Variants in SLC7A14 observed in about 807,000 individuals in gnomAD.
SLC7A14 encodes the protein gamma-aminobutyric acid transporter SLC7A14.
SLC7A14 carries 37 observed loss-of-function variants against 60.2 expected under a neutral mutation model. The ratio of observed to expected loss-of-function variants is 0.61; its 90% confidence interval spans 0.47 to 0.81. SLC7A14 has a LOEUF of 0.81. Among genes scored for constraint, SLC7A14 ranks in the 30% least tolerant of loss-of-function variants. The probability of loss-of-function intolerance (pLI) is 0.00; values close to 1 mark genes in which losing one functional copy is unlikely to be tolerated. For synonymous variants in SLC7A14, 399 were observed against 395.8 expected, an observed-to-expected ratio of 1.01 and a Z score of -0.10; for missense variants, 886 against 982.7, an observed-to-expected ratio of 0.90 and a Z score of 1.32.
chr3:170,539,043 A>T (rs1442092433), intron 1 of SLC7A14, among the ~76,000 whole-genome samples: 1 of 152,214 alleles, frequency 6.6e-6, no homozygotes, highest in African/African-American at 2.4e-5. Context: ...GAGAGCTAGG[A>T]TCTCTTCTTA....
chr3:170,537,867 AATGT>A (rs1713896071), intron 1 of SLC7A14, among the ~76,000 whole-genome samples: 1 of 152,188 alleles, frequency 6.6e-6, no homozygotes, highest in Non-Finnish European at 1.5e-5. Context: ...TTCTGCATAT[AATGT>A]TATCCCAGGC....
intron 2 of SLC7A14, 68 bp downstream of exon 2, chr3:170,526,565 A>G: frequency 6.5e-7 from 1 of 1,548,012 alleles, no homozygotes; most frequent in Non-Finnish European, 8.8e-7. Flanking sequence ...CTCCGGAGAA[A>G]GGGGATGAAC....
In SLC7A14 at chr3:170,480,670, C is replaced by G. The variant is rs1711781855; in HGVS notation, c.1612G>C (p.Gly538Arg). 6.2e-7 allele frequency: 1 copy of G among 1,614,136 alleles called. No individual in the cohort carries two copies. Among genetic ancestry groups the G allele is most frequent in the African/African-American group, 1.3e-5 (1 of 74,940 alleles). The part of the protein sequence containing the change: ...IYLIKLKKLI[G>R]PHYYTMRIRL... ...ATTCTCATGGTGTAATAATGAGGCCCAATCAGCTTCTTTAACTTGATGAGA... is the reference window on the plus strand; with the variant it reads ...ATTCTCATGGTGTAATAATGAGGCCGAATCAGCTTCTTTAACTTGATGAGA... The change falls in exon 7 of 8, where the codon GGG (glycine) becomes CGG (arginine). Residue 538 changes from glycine (G) to arginine (R), a missense_variant. Coordinates refer to ENST00000231706, the MANE Select transcript of SLC7A14 (RefSeq NM_020949.3).
At chr3:170,497,017 CG>C (rs1206904708) in intron 4 of SLC7A14, among the ~76,000 whole-genome samples, 1 of 134,612 alleles carries the variant, frequency 7.4e-6, no homozygotes, top group Non-Finnish European at 1.5e-5. Flanking sequence ...AGCCCACGCG[CG>C]GGGGAGTTTA....
intron 1 of SLC7A14, among the ~76,000 whole-genome samples, chr3:170,530,708 C>T (rs773679932): frequency 2.6e-5 from 4 of 152,120 alleles, no homozygotes; most frequent in African/African-American, 4.8e-5. Context: ...TGTAAAAAGG[C>T]GAGGGGTGTG....
intron 4 of SLC7A14, chr3:170,495,945 G>A: frequency 1.3e-5 from 18 of 1,397,756 alleles, no homozygotes; most frequent in South Asian, 9.3e-5. Flanking sequence ...GCAGGGGCTG[G>A]TGGAGGACTT....
At chr3:170,490,812 A>G (rs1470714064) in intron 4 of SLC7A14, among the ~76,000 whole-genome samples, 1 of 152,220 alleles carries the variant, frequency 6.6e-6, no homozygotes, top group Non-Finnish European at 1.5e-5. Flanking sequence ...TTAAATGGAG[A>G]TAATAATAGC....
chr3:170,468,145 A>C (rs765246988), intron 7 of SLC7A14, among the ~76,000 whole-genome samples: 5 of 152,190 alleles, frequency 3.3e-5, no homozygotes, highest in Admixed American at 1.3e-4. Context: ...TAAGCGTGAA[A>C]TGTCCAGTGC....
intron 1 of SLC7A14, among the ~76,000 whole-genome samples, chr3:170,578,493 G>A (rs920393550): frequency 7.2e-5 from 11 of 152,104 alleles, no homozygotes; most frequent in South Asian, 4.2e-4. Context: ...TTATAGAGGC[G>A]GTGTAGCATG....
intron 5 of SLC7A14, among the ~76,000 whole-genome samples, chr3:170,484,765 C>A (rs1215036614): frequency 6.6e-6 from 1 of 152,080 alleles, no homozygotes; most frequent in African/African-American, 2.4e-5. Context: ...GCTCCTAGGG[C>A]GTGTTTAAGG....
rs746212258 is a variant in SLC7A14 at position 170,486,249 on chromosome 3, C to T, written c.879G>A (p.Leu293=). The T allele has an allele frequency of 6.2e-7, 1 of 1,614,174 alleles. No homozygotes were observed. The highest frequency in any genetic ancestry group is 8.5e-7 in the Non-Finnish European group (1 of 1,180,034). ...ACACATATGCTGTCAGGCAGATGAC[C>T]AGGGAGGCAGTGATAGCATAAGGGA... ...TSIPYAITAS[L]VICLTAYVSV... The change falls in exon 5 of 8, where the codon CTG becomes CTA. Residue 293 remains leucine, a synonymous_variant. Transcript: ENST00000231706.
At chr3:170,531,381 A>T (rs536685201) in intron 1 of SLC7A14, among the ~76,000 whole-genome samples, 3 of 152,152 alleles carry the variant, frequency 2.0e-5, no homozygotes, top group Non-Finnish European at 4.4e-5. Flanking sequence ...TCACAAGGAC[A>T]CCGAGAAACA....
At chr3:170,571,564 G>T (rs1181823217) in intron 1 of SLC7A14, among the ~76,000 whole-genome samples, 1 of 152,130 alleles carries the variant, frequency 6.6e-6, no homozygotes, top group Non-Finnish European at 1.5e-5. Context: ...AGGCAATTGG[G>T]ACTTCATATT....
chr3:170,481,223 G>A (rs1000177980), intron 6 of SLC7A14, 57 bp from the exon 7 acceptor site: 3 of 1,538,534 alleles, frequency 1.9e-6, no homozygotes, highest in East Asian at 2.3e-5. Context: ...CGATTCCAGT[G>A]CAGCCAACAT....
intron 1 of SLC7A14, among the ~76,000 whole-genome samples, chr3:170,549,673 G>A (rs528561583): frequency 6.6e-6 from 1 of 152,278 alleles, no homozygotes; most frequent in African/African-American, 2.4e-5. Flanking sequence ...GATGCCCTGG[G>A]GAGAGGCACT....
intron 1 of SLC7A14, among the ~76,000 whole-genome samples, chr3:170,541,977 G>GCTT (rs1426936739): frequency 1.3e-5 from 2 of 152,170 alleles, no homozygotes; most frequent in Non-Finnish European, 2.9e-5. Flanking sequence ...TTGTAGTTAT[G>GCTT]CTTCTACGCA....
At chr3:170,525,181 C>A (rs773835969) in intron 2 of SLC7A14, among the ~76,000 whole-genome samples, 1 of 152,204 alleles carries the variant, frequency 6.6e-6, no homozygotes, top group Non-Finnish European at 1.5e-5. Flanking sequence ...CCCTAAAACC[C>A]AGAAAAGCCT....
At chr3:170,528,608 G>A (rs1026986212) in intron 1 of SLC7A14, among the ~76,000 whole-genome samples, 50 of 152,184 alleles carry the variant, frequency 3.3e-4, no homozygotes, top group Admixed American at 3.3e-3. Context: ...TGGTTCACAG[G>A]TTTGGGTGAC....
intron 4 of SLC7A14, among the ~76,000 whole-genome samples, chr3:170,497,681 C>T (rs1712451975): frequency 6.6e-6 from 1 of 152,178 alleles, no homozygotes; most frequent in South Asian, 2.1e-4. Context: ...GATTTATGTT[C>T]TACCATGAAA....
Sources: allele counts gnomAD v4.1 joint callset (sites outside exome capture counted in the v4.1 genomes callset), GRCh38; gene constraint gnomAD v4.1.1; transcripts MANE v1.5; gene names NCBI Gene and HGNC (gene_info 2026-07-23, HGNC 2026-07-21).